PIK3C2G: variants seen among roughly 807,000 people sequenced by gnomAD.
The protein encoded by PIK3C2G is phosphatidylinositol 3-kinase C2 domain-containing subunit gamma.
PIK3C2G carries 168 observed loss-of-function variants against 181.1 expected under a neutral mutation model. The observed-to-expected ratio is 0.93, with a 90% CI of 0.82 to 1.05. PIK3C2G has a LOEUF of 1.05. Among genes scored for constraint, PIK3C2G ranks in the 50% least tolerant of loss-of-function variants. The pLI, the probability that PIK3C2G is intolerant of heterozygous loss-of-function variation, is 0.00. For missense variants in PIK3C2G, 1,869 were observed against 1,732.8 expected, an observed-to-expected ratio of 1.08 and a Z score of -1.40; for synonymous variants, 573 against 592.2, an observed-to-expected ratio of 0.97 and a Z score of 0.47.
At chr12:18,551,076 T>G (rs906964136) in intron 26 of PIK3C2G, among the ~76,000 whole-genome samples, 1 of 152,036 alleles carries the variant, frequency 6.6e-6, no homozygotes, top group African/African-American at 2.4e-5. Context: ...TCCTGTACAA[T>G]TAATGGTATT....
intron 20 of PIK3C2G, among the ~76,000 whole-genome samples, chr12:18,494,361 T>C (rs1339972848): frequency 6.6e-6 from 1 of 152,108 alleles, no homozygotes; most frequent in Non-Finnish European, 1.5e-5. Context: ...TGATAAACTA[T>C]CCTGTGAATT....
intron 20 of PIK3C2G, among the ~76,000 whole-genome samples, chr12:18,492,444 T>G (rs1403222021): frequency 6.6e-6 from 1 of 152,212 alleles, no homozygotes; most frequent in Non-Finnish European, 1.5e-5. Context: ...CCCTGAAAAT[T>G]TTTTGATATG....
chr12:18,637,763 T>C (rs1166636208), intron 31 of PIK3C2G, among the ~76,000 whole-genome samples: 1 of 152,196 alleles, frequency 6.6e-6, no homozygotes, highest in African/African-American at 2.4e-5. Context: ...TGTTGAAAAT[T>C]GTGTCTTTTG....
intron 8 of PIK3C2G, among the ~76,000 whole-genome samples, chr12:18,325,326 A>G (rs1565600059): frequency 6.6e-6 from 1 of 152,226 alleles, no homozygotes; most frequent in African/African-American, 2.4e-5. Flanking sequence ...TGCATAAGAA[A>G]GAATGGTCAG....
At chr12:18,657,834 G>A in the PIK3C2G span, among the ~76,000 whole-genome samples, 2 of 152,074 alleles carry the variant, frequency 1.3e-5, no homozygotes, top group South Asian at 4.1e-4. Context: ...AAAAAGGAAA[G>A]TAATAGAAAT....
chr12:18,361,686 C>G (rs772035170), intron 11 of PIK3C2G, among the ~76,000 whole-genome samples: 5 of 152,096 alleles, frequency 3.3e-5, no homozygotes, highest in Non-Finnish European at 5.9e-5. Context: ...TGTTTTCTTG[C>G]TTTTTCTGGT....
intron 16 of PIK3C2G, among the ~76,000 whole-genome samples, chr12:18,406,731 G>A (rs917422778): frequency 1.3e-5 from 2 of 152,102 alleles, no homozygotes; most frequent in African/African-American, 2.4e-5. Context: ...ATTTTATCCA[G>A]GGAAAAGAGT....
At chr12:18,633,493 C>A (rs1326183328) in intron 31 of PIK3C2G, among the ~76,000 whole-genome samples, 1 of 152,138 alleles carries the variant, frequency 6.6e-6, no homozygotes, top group Non-Finnish European at 1.5e-5. Flanking sequence ...GTTTCTTTAC[C>A]TGGTAGGGTA....
intron 2 of PIK3C2G, among the ~76,000 whole-genome samples, chr12:18,286,061 T>A (rs1221243277): frequency 1.3e-5 from 2 of 151,994 alleles, no homozygotes. Flanking sequence ...ATTTCAGGGC[T>A]GAGTACTATT....
intron 29 of PIK3C2G, among the ~76,000 whole-genome samples, chr12:18,568,540 T>G (rs566385191): frequency 4.6e-5 from 7 of 152,220 alleles, no homozygotes; most frequent in Admixed American, 1.3e-4. Flanking sequence ...AGGAGATTAT[T>G]TACCATCTGA....
chr12:18,336,532 T>A (rs1410291201), intron 8 of PIK3C2G, among the ~76,000 whole-genome samples: 1 of 152,172 alleles, frequency 6.6e-6, no homozygotes, highest in African/African-American at 2.4e-5. Context: ...TTTCTAGTTA[T>A]GGAGAGCATG....
rs537019820 is a variant in PIK3C2G at position 18,583,196 on chromosome 12, C to T, written c.4012-11298C>T. 7.2e-5 allele frequency among the ~76,000 whole-genome samples: 11 copies of T among 151,988 alleles called. No homozygotes were observed. The East Asian group carries it at 2.1e-3, about 30-fold the overall frequency. ...AGGCCAGCAACAAGTCCATACCTCC[C>T]TTGGATAGAGACAGAGCTCCCAGAG... On this transcript the variant is annotated intron_variant, in intron 29 of 32. Transcript: ENST00000538779.
At chr12:18,464,515 A>C (rs981702981) in intron 18 of PIK3C2G, among the ~76,000 whole-genome samples, 1 of 152,110 alleles carries the variant, frequency 6.6e-6, no homozygotes, top group African/African-American at 2.4e-5. Context: ...GAGGCATCAA[A>C]ATAGGAACTT....
At chr12:18,722,068 C>T in the PIK3C2G span, among the ~76,000 whole-genome samples, 10 of 152,142 alleles carry the variant, frequency 6.6e-5, no homozygotes, top group Non-Finnish European at 1.5e-4. Flanking sequence ...GCTTCCCTTT[C>T]TTGGACCTTA....
At chr12:18,719,406 A>G in the PIK3C2G span, 2 of 1,305,970 alleles carry the variant, frequency 1.5e-6, no homozygotes, top group Non-Finnish European at 2.0e-6. Flanking sequence ...TTTAAATGTA[A>G]TAGATTTAAA....
chr12:18,274,541 A>G (rs1948892787), intron 1 of PIK3C2G, among the ~76,000 whole-genome samples: 1 of 152,124 alleles, frequency 6.6e-6, no homozygotes, highest in Non-Finnish European at 1.5e-5. Context: ...TTCTCAGCAA[A>G]CTATCGCAAG....
At chr12:18,464,742 T>C (rs570830584) in intron 18 of PIK3C2G, among the ~76,000 whole-genome samples, 1 of 152,270 alleles carries the variant, frequency 6.6e-6, no homozygotes, top group Admixed American at 6.5e-5. Flanking sequence ...CAAAATTATC[T>C]TGACATTCAC....
the PIK3C2G span, among the ~76,000 whole-genome samples, chr12:18,718,371 A>T: frequency 1.3e-5 from 2 of 152,172 alleles, no homozygotes; most frequent in South Asian, 4.2e-4. Context: ...TATTGAATAA[A>T]TCAAATTATG....
At chr12:18,695,236 C>A in the PIK3C2G span, among the ~76,000 whole-genome samples, 19 of 152,278 alleles carry the variant, frequency 1.2e-4, no homozygotes, top group East Asian at 1.4e-3. Flanking sequence ...AAAACTCTTT[C>A]TCCTGCCATG....
Sources: gnomAD v4.1 joint callset for allele counts (sites outside exome capture counted in the v4.1 genomes callset) on GRCh38, gnomAD v4.1.1 for gene constraint, MANE v1.5 for transcripts, NCBI Gene and HGNC (gene_info 2026-07-23, HGNC 2026-07-21) for gene names.